The following METTL15 variants were observed in gnomAD, a reference collection of about 807,000 sequenced individuals.
METTL15 encodes 12S rRNA N(4)-cytidine methyltransferase METTL15.
In METTL15, 34 loss-of-function variants were observed where a neutral mutation model predicts 38.3. The observed-to-expected ratio is 0.89, with a 90% CI of 0.68 to 1.18. The LOEUF (loss-of-function observed/expected upper bound fraction) is 1.18. METTL15 is among the 50% of genes most tolerant of loss of function. The pLI, the probability that METTL15 is intolerant of heterozygous loss-of-function variation, is 0.00. For missense variants in METTL15, 438 were observed against 498.4 expected (o/e 0.88, Z 1.15); for synonymous variants, 162 against 170.9 (o/e 0.95, Z 0.41).
downstream of METTL15, among the ~76,000 whole-genome samples, chr11:28,335,139 TG>T (rs1283600787): frequency 6.6e-6 from 1 of 152,202 alleles, no homozygotes; most frequent in Non-Finnish European, 1.5e-5. Context: ...CTTTATGCTT[TG>T]AGCAATAACA....
rs1029595715 is a variant in METTL15 at position 28,287,131 on chromosome 11, GTA to G, written c.408-3066_408-3065del. Reference sequence around the variant, plus strand: ...TATATAACCCATATATATACCATATGTATATATATAGAGAGAGAGAGACAATG... The same window carrying G: ...TATATAACCCATATATATACCATATGTATATATAGAGAGAGAGAGACAATG... On this transcript the variant is annotated intron_variant, in intron 4 of 6. Transcript: ENST00000407364. 1.9e-5 allele frequency: 3 copies of G among 153,886 alleles called. No individual in the cohort carries two copies. In the South Asian group the frequency reaches 4.4e-4, roughly 23 times the overall value. The allele number at this position is 153,886 out of a possible 1,614,324, so 9.5% of individuals were successfully genotyped here. A position where few individuals can be genotyped will look rare whatever the true frequency, so the allele number is the denominator to read the frequency against.
chr11:28,200,124 C>T (rs1852055492), intron 3 of METTL15, among the ~76,000 whole-genome samples: 1 of 152,074 alleles, frequency 6.6e-6, no homozygotes, highest in Admixed American at 6.6e-5. Context: ...TTTTTTATTT[C>T]ACTTCTCTAC....
chr11:28,116,424 T>C (rs551154061), intron 3 of METTL15, among the ~76,000 whole-genome samples: 25 of 152,382 alleles, frequency 1.6e-4, no homozygotes, highest in African/African-American at 6.0e-4. Flanking sequence ...TCAGTTATTT[T>C]TATATCTTTC....
intron 4 of METTL15, among the ~76,000 whole-genome samples, chr11:28,234,551 G>A (rs1245671836): frequency 1.3e-5 from 2 of 151,776 alleles, no homozygotes; most frequent in Non-Finnish European, 2.9e-5. Flanking sequence ...TTTTCTGATG[G>A]CCAGTGATGA....
At chr11:28,341,174 T>C (rs1469099534) in intron 3 of METTL15, among the ~76,000 whole-genome samples, 1 of 151,718 alleles carries the variant, frequency 6.6e-6, no homozygotes, top group Non-Finnish European at 1.5e-5. Flanking sequence ...CTGTCAGAGG[T>C]TGGGGGGCTA....
chr11:28,316,041 G>A (rs933509953), intron 6 of METTL15, among the ~76,000 whole-genome samples: 24 of 152,234 alleles, frequency 1.6e-4, no homozygotes, highest in African/African-American at 5.5e-4. Flanking sequence ...CCCACACAGA[G>A]TTCCCACTGA....
Position 28,292,636 on chromosome 11 carries a change from TG to T in METTL15, c.599+2240del, listed in dbSNP as rs202161293. On this transcript the variant is annotated intron_variant, in intron 5 of 6. Transcript: ENST00000407364. Reference sequence around the variant, plus strand: ...CTAGATGCCTGAGGAATCGCCACACTGACTTCTAAAATGGTTGAACTAGTTT... The same window carrying T: ...CTAGATGCCTGAGGAATCGCCACACTACTTCTAAAATGGTTGAACTAGTTT... 6.6e-3 allele frequency among the ~76,000 whole-genome samples: 1,009 copies of T among 152,320 alleles called. 10 individuals carry two copies. The highest frequency in any genetic ancestry group is 0.011 in the Non-Finnish European group (744 of 68,030).
At chr11:28,194,699 A>C (rs1385143733) in intron 3 of METTL15, among the ~76,000 whole-genome samples, 2 of 152,120 alleles carry the variant, frequency 1.3e-5, no homozygotes, top group Non-Finnish European at 2.9e-5. Flanking sequence ...AAGATTAAAA[A>C]AAATTATTTC....
intron 3 of METTL15, among the ~76,000 whole-genome samples, chr11:28,137,419 A>G (rs148575586): frequency 1.6e-4 from 25 of 152,298 alleles, no homozygotes; most frequent in African/African-American, 4.3e-4. Flanking sequence ...TCTGTTGTCA[A>G]TAATCTCAAT....
chr11:28,308,019 T>C, intron 6 of METTL15, among the ~76,000 whole-genome samples: 1 of 152,058 alleles, frequency 6.6e-6, no homozygotes, highest in Non-Finnish European at 1.5e-5. Flanking sequence ...CTAACTGTAT[T>C]TTTGTTTTGT....
intron 3 of METTL15, among the ~76,000 whole-genome samples, chr11:28,351,596 G>T (rs912645827): frequency 6.6e-6 from 1 of 151,148 alleles, no homozygotes; most frequent in Non-Finnish European, 1.5e-5. Flanking sequence ...CCAAGTGAAA[G>T]GTTGTATACA....
chr11:28,487,631 T>G (rs1254788846), intron 6 of METTL15, among the ~76,000 whole-genome samples: 2 of 152,116 alleles, frequency 1.3e-5, no homozygotes, highest in African/African-American at 4.8e-5. Flanking sequence ...TATTTTAAAC[T>G]TTTTAAAATT....
At chr11:28,510,212 A>T (rs1258347135) in intron 6 of METTL15, among the ~76,000 whole-genome samples, 2 of 152,214 alleles carry the variant, frequency 1.3e-5, no homozygotes, top group South Asian at 4.1e-4. Context: ...AAAGGAAATT[A>T]TAAGAAGATC....
chr11:28,152,406 A>T (rs2133689402), intron 3 of METTL15, among the ~76,000 whole-genome samples: 1 of 152,056 alleles, frequency 6.6e-6, no homozygotes, highest in East Asian at 1.9e-4. Context: ...CTTTTTAGTC[A>T]ATTTTGTTGA....
rs202208270 is a variant in METTL15 at position 28,377,019 on chromosome 11, C to G, written c.*358+14983C>G. ...CTCTTCTGGCTTGTAGGGTTTCTGC[C>G]GAGAGATCCGCTGTTAGTCTGATGG... is the stretch of plus-strand genomic sequence containing the variant. On this transcript the variant is annotated intron_variant and NMD_transcript_variant, in intron 5 of 7. Transcript: ENST00000532947. Among the ~76,000 whole-genome samples, 3 of 110,982 alleles carry G rather than the reference C, an allele frequency of 2.7e-5. No homozygotes were observed. The Admixed American group carries it at 3.3e-4, about 12-fold the overall frequency. 72.8% of individuals were successfully genotyped at this position (110,982 alleles called of 152,430 possible). A position where few individuals can be genotyped will look rare whatever the true frequency, so the allele number is the denominator to read the frequency against.
chr11:28,255,121 T>C (rs1437877908), intron 4 of METTL15, among the ~76,000 whole-genome samples: 4 of 152,216 alleles, frequency 2.6e-5, no homozygotes, highest in Non-Finnish European at 5.9e-5. Context: ...ATTTTTTGTG[T>C]GTCCTCTACA....
At chr11:28,495,778 A>G (rs1181213143) in intron 6 of METTL15, among the ~76,000 whole-genome samples, 2 of 151,644 alleles carry the variant, frequency 1.3e-5, no homozygotes, top group Admixed American at 1.3e-4. Flanking sequence ...CTGTTTTTTG[A>G]TAGAAAAAAA....
chr11:28,112,365 C>T (rs1207017974), intron 2 of METTL15, among the ~76,000 whole-genome samples: 1 of 152,102 alleles, frequency 6.6e-6, no homozygotes, highest in Admixed American at 6.6e-5. Context: ...AGGTGTGGGT[C>T]ATATTCTTAA....
chr11:28,239,810 A>G (rs1231709695), intron 4 of METTL15, among the ~76,000 whole-genome samples: 1 of 152,172 alleles, frequency 6.6e-6, no homozygotes, highest in African/African-American at 2.4e-5. Flanking sequence ...CAAATTTACA[A>G]GTCAACTGTA....
Sources: allele counts gnomAD v4.1 joint callset (sites outside exome capture counted in the v4.1 genomes callset), GRCh38; gene constraint gnomAD v4.1.1; transcripts MANE v1.5; gene names NCBI Gene and HGNC (gene_info 2026-07-23, HGNC 2026-07-21).